The following ANKRD44 variants were observed in gnomAD, a reference collection of about 807,000 sequenced individuals.
The protein encoded by ANKRD44 is serine/threonine-protein phosphatase 6 regulatory ankyrin repeat subunit B.
A neutral mutation model predicts 116.0 loss-of-function variants in ANKRD44; 35 were observed. That is an observed-to-expected ratio of 0.30 (90% confidence interval 0.23 to 0.40). ANKRD44 has a LOEUF of 0.40. Ranked by LOEUF, ANKRD44 falls within the 10% of genes least tolerant of loss-of-function variation. The probability of loss-of-function intolerance (pLI) is 1.00; values close to 1 mark genes in which losing one functional copy is unlikely to be tolerated. For synonymous variants in ANKRD44, 435 were observed against 461.8 expected (o/e 0.94, Z 0.74); for missense variants, 1,014 against 1,242.6 (o/e 0.82, Z 2.77).
At position 196,989,023 on chromosome 2, in the gene ANKRD44, C is replaced by T; in HGVS notation, c.*568G>A. The T allele has an allele frequency of 2.2e-5, 22 of 985,414 alleles. 1 individual carries two copies. The highest frequency in any genetic ancestry group is 2.7e-5 in the Non-Finnish European group (22 of 829,954). 61.0% of individuals were successfully genotyped at this position (985,414 alleles called of 1,614,324 possible). A position where few individuals can be genotyped will look rare whatever the true frequency, so the allele number is the denominator to read the frequency against. ...GGCTGAGCAGTAGAAGATGCGTAGC[C>T]CTCTCTAACCAACGCGGAAGAACCT... On this transcript the variant is annotated 3_prime_UTR_variant, in exon 28 of 28. Transcript: ENST00000282272.
chr2:197,096,167 C>T (rs1241243692), intron 10 of ANKRD44, among the ~76,000 whole-genome samples: 1 of 152,174 alleles, frequency 6.6e-6, no homozygotes, highest in Non-Finnish European at 1.5e-5. Context: ...TCTGGCATCA[C>T]ACTTAGCATG....
chr2:197,005,594 C>A, intron 21 of ANKRD44, 100 bp downstream of exon 21: 2 of 1,095,486 alleles, frequency 1.8e-6, no homozygotes, highest in South Asian at 1.5e-5. Context: ...GATTAGAAAC[C>A]ATGGTTTGCA....
intron 2 of ANKRD44, among the ~76,000 whole-genome samples, chr2:197,160,737 C>T (rs2079940683): frequency 6.6e-6 from 1 of 152,222 alleles, no homozygotes; most frequent in Non-Finnish European, 1.5e-5. Flanking sequence ...CATCCAGTCT[C>T]AATATCTGAG....
At chr2:197,238,618 C>G (rs140067210) in intron 1 of ANKRD44, among the ~76,000 whole-genome samples, 78 of 152,180 alleles carry the variant, frequency 5.1e-4, no homozygotes, top group African/African-American at 1.8e-3. Context: ...ATATATTTCT[C>G]CCTCGTTGTA....
intron 16 of ANKRD44, among the ~76,000 whole-genome samples, chr2:197,038,354 A>G (rs2076845411): frequency 1.3e-5 from 2 of 152,220 alleles, no homozygotes; most frequent in South Asian, 4.1e-4. Flanking sequence ...ATAATAACAA[A>G]AACACCAACC....
chr2:197,182,905 G>A (rs1220987874), intron 2 of ANKRD44, among the ~76,000 whole-genome samples: 1 of 152,190 alleles, frequency 6.6e-6, no homozygotes, highest in Non-Finnish European at 1.5e-5. Flanking sequence ...TGGGAGTTGA[G>A]GGTAGAAGTA....
chr2:197,088,693 G>T lies in ANKRD44; in HGVS notation c.1247+18C>A. ...GAATTAGTAACTCATAAATTAACTA[G>T]AATTGGTAACTACTCACCCTCCTGC... is the stretch of plus-strand genomic sequence containing the variant. On this transcript the variant is annotated intron_variant, in intron 12 of 27. Coordinates refer to ENST00000282272, the MANE Select transcript of ANKRD44 (RefSeq NM_001195144.2). 6.4e-7 allele frequency: 1 copy of T among 1,561,424 alleles called. No homozygotes were observed. Among genetic ancestry groups the T allele is most frequent in the Non-Finnish European group, 8.8e-7 (1 of 1,139,086 alleles).
chr2:197,133,352 A>G (rs2079136144), intron 4 of ANKRD44, among the ~76,000 whole-genome samples: 1 of 152,204 alleles, frequency 6.6e-6, no homozygotes, highest in Admixed American at 6.5e-5. Context: ...GCTGACCTAC[A>G]GTGACTTCAG....
rs869237870 is a variant in ANKRD44 at position 197,212,076 on chromosome 2, C to CA, written c.28-24971_28-24970insT. On this transcript the variant is annotated intron_variant, in intron 1 of 27. Coordinates refer to ENST00000282272, the MANE Select transcript of ANKRD44 (RefSeq NM_001195144.2). The surrounding 1 kb of genome is among the most constrained non-coding windows in gnomAD (Gnocchi z 4.8). ...CTCACACACACACACACACACACAC[C>CA]CCACAGCACCACTTTGGGGGAAGGA... 2.3e-5 allele frequency among the ~76,000 whole-genome samples: 3 copies of CA among 129,244 alleles called. No individual in the cohort carries two copies. The highest frequency in any genetic ancestry group is 5.2e-5 in the Non-Finnish European group (3 of 57,760). The allele number at this position is 129,244 out of a possible 152,430, so 84.8% of individuals were successfully genotyped here. A position where few individuals can be genotyped will look rare whatever the true frequency, so the allele number is the denominator to read the frequency against.
At chr2:197,112,996 AAC>A (rs959431990) in intron 8 of ANKRD44, among the ~76,000 whole-genome samples, 8 of 152,192 alleles carry the variant, frequency 5.3e-5, no homozygotes, top group Admixed American at 6.5e-5. Context: ...GAAAAAAAAA[AAC>A]ATGTATCATT....
At chr2:197,021,430 G>A (rs181802021) in intron 17 of ANKRD44, among the ~76,000 whole-genome samples, 12 of 152,318 alleles carry the variant, frequency 7.9e-5, no homozygotes, top group African/African-American at 1.7e-4. Context: ...GTGTAAAAGC[G>A]TTCCTATTTC....
intron 1 of ANKRD44, among the ~76,000 whole-genome samples, chr2:197,304,676 C>T (rs1026147066): frequency 6.6e-6 from 1 of 152,164 alleles, no homozygotes; most frequent in African/African-American, 2.4e-5. Flanking sequence ...ACATGTCTTG[C>T]CAAGGGTTGG....
At chr2:196,984,034 C>T (rs1277878243), downstream of ANKRD44, among the ~76,000 whole-genome samples, 12 of 152,234 alleles carry the variant, frequency 7.9e-5, no homozygotes, top group Admixed American at 7.9e-4. Flanking sequence ...AAAGTTCTTT[C>T]TCAACCTTGT....
At chr2:197,001,498 T>C (rs1011312465) in intron 22 of ANKRD44, among the ~76,000 whole-genome samples, 1 of 152,238 alleles carries the variant, frequency 6.6e-6, no homozygotes, top group Non-Finnish European at 1.5e-5. Flanking sequence ...ACATGGGTAA[T>C]GCACCTCTCA....
chr2:197,182,090 A>C (rs1269490132), intron 2 of ANKRD44, among the ~76,000 whole-genome samples: 2 of 152,206 alleles, frequency 1.3e-5, no homozygotes, highest in African/African-American at 4.8e-5. Flanking sequence ...GCCTTTATTG[A>C]ATTCAAATTT....
At chr2:197,202,556 T>C (rs2081116014) in intron 1 of ANKRD44, among the ~76,000 whole-genome samples, 1 of 152,044 alleles carries the variant, frequency 6.6e-6, no homozygotes, top group African/African-American at 2.4e-5. Context: ...TTCGTGCAGA[T>C]CTTACAGGCC....
At chr2:197,008,531 A>G (rs2076240051) in intron 19 of ANKRD44, among the ~76,000 whole-genome samples, 1 of 152,204 alleles carries the variant, frequency 6.6e-6, no homozygotes, top group Non-Finnish European at 1.5e-5. Flanking sequence ...TTACTTTGAA[A>G]AAGCAAAGTT....
chr2:197,237,527 T>C (rs1239666064), intron 1 of ANKRD44, among the ~76,000 whole-genome samples: 1 of 152,232 alleles, frequency 6.6e-6, no homozygotes, highest in Non-Finnish European at 1.5e-5. Context: ...GCCATTAACA[T>C]TTTCACTAGA....
chr2:197,116,795 A>C (rs748986809), intron 8 of ANKRD44, among the ~76,000 whole-genome samples: 4 of 152,180 alleles, frequency 2.6e-5, no homozygotes, highest in African/African-American at 4.8e-5. Flanking sequence ...CCAGTCTGCC[A>C]TGCTAGAACA....
Sources: allele counts gnomAD v4.1 joint callset (sites outside exome capture counted in the v4.1 genomes callset), GRCh38; gene constraint gnomAD v4.1.1; non-coding constraint Gnocchi (gnomAD v3.1); transcripts MANE v1.5; gene names NCBI Gene and HGNC (gene_info 2026-07-23, HGNC 2026-07-21).